The following AGBL1 variants were observed in gnomAD, a reference collection of about 807,000 sequenced individuals.
AGBL1 encodes the protein AGBL carboxypeptidase 1.
AGBL1 carries 130 observed loss-of-function variants against 118.9 expected under a neutral mutation model. The ratio of observed to expected loss-of-function variants is 1.09; its 90% CI spans 0.95 to 1.26. The LOEUF (loss-of-function observed/expected upper bound fraction) is 1.26. Among genes scored for constraint, AGBL1 ranks in the 50% most tolerant of loss-of-function variants. The pLI is 0.00. For synonymous variants in AGBL1, 555 were observed against 478.9 expected, an observed-to-expected ratio of 1.16 and a Z score of -2.08; for missense variants, 1,584 against 1,298.1, an observed-to-expected ratio of 1.22 and a Z score of -3.38.
intron 6 of AGBL1, among the ~76,000 whole-genome samples, chr15:86,238,188 CT>C (rs2078584082): frequency 6.6e-6 from 1 of 152,126 alleles, no homozygotes. Flanking sequence ...GTTTAGTTTT[CT>C]TTGTGTGTGC....
intron 22 of AGBL1, among the ~76,000 whole-genome samples, chr15:86,872,543 C>G (rs1002218512): frequency 5.3e-5 from 8 of 152,228 alleles, no homozygotes; most frequent in African/African-American, 1.9e-4. Context: ...AACACAAGGT[C>G]AGGAGTTCGA....
At chr15:86,413,751 T>C (rs1352802197) in intron 18 of AGBL1, among the ~76,000 whole-genome samples, 1 of 152,158 alleles carries the variant, frequency 6.6e-6, no homozygotes, top group Non-Finnish European at 1.5e-5. Flanking sequence ...TTGTTTGTGT[T>C]CCTTGTAAAT....
chr15:86,793,505 A>G lies in AGBL1; in HGVS notation c.3159-113582A>G, dbSNP rs139573570. Among the ~76,000 whole-genome samples, 205 of 152,344 alleles carry G rather than the reference A, an allele frequency of 1.3e-3. 1 individual carries two copies. The highest frequency in any genetic ancestry group is 4.7e-3 in the African/African-American group (197 of 41,586). On this transcript the variant is annotated intron_variant, in intron 22 of 22. Coordinates refer to ENST00000614907, the MANE Select transcript of AGBL1 (RefSeq NM_001386094.1). ...AATCATAGACCTAAGAGTGAAAACTATATATCTCTTAGAAGAAAACATAGG... is the reference window on the plus strand; with the variant it reads ...AATCATAGACCTAAGAGTGAAAACTGTATATCTCTTAGAAGAAAACATAGG...
rs562319727 is a variant in AGBL1 at position 86,505,439 on chromosome 15, C to T, written c.2556-17371C>T. Among the ~76,000 whole-genome samples, 257 of 151,932 alleles carry T rather than the reference C, an allele frequency of 1.7e-3. 2 individuals are homozygous for T. Among genetic ancestry groups the T allele is most frequent in the Middle Eastern group, 0.01 (3 of 294 alleles). On this transcript the variant is annotated intron_variant, in intron 18 of 22. Coordinates refer to ENST00000614907, the MANE Select transcript of AGBL1 (RefSeq NM_001386094.1). ...ATGCTTGATGGTGTCCCAGTGGTGT[C>T]TGAGACTCTGTTAATTTTTTAGATC...
chr15:86,499,127 G>GT lies in AGBL1; in HGVS notation c.2556-23682dup, dbSNP rs2082888140. The stretch of plus-strand genomic sequence containing the variant: ...CTCTCTAATATTTTAAATGGAGGGA[G>GT]TAGAGGGACCTCTCCTTATGCAGAG... On this transcript the variant is annotated intron_variant, in intron 18 of 22. Transcript: ENST00000614907. Among the ~76,000 whole-genome samples, 3 of 152,018 alleles carry GT rather than the reference G, an allele frequency of 2.0e-5. No individual in the cohort carries two copies. The South Asian group carries it at 6.2e-4, about 31-fold the overall frequency.
At chr15:86,646,422 C>G (rs1439742647) in intron 21 of AGBL1, among the ~76,000 whole-genome samples, 1 of 152,134 alleles carries the variant, frequency 6.6e-6, no homozygotes, top group Non-Finnish European at 1.5e-5. Flanking sequence ...CTCATTTATC[C>G]TCTTCTCATA....
chr15:86,527,025 A>G (rs1182520223), intron 19 of AGBL1, among the ~76,000 whole-genome samples: 2 of 152,134 alleles, frequency 1.3e-5, no homozygotes, highest in Non-Finnish European at 2.9e-5. Context: ...CTGGTTCTAC[A>G]CTGCTGAAAA....
chr15:86,506,829 T>G (rs901148107), intron 18 of AGBL1, among the ~76,000 whole-genome samples: 6 of 152,132 alleles, frequency 3.9e-5, no homozygotes, highest in Non-Finnish European at 7.4e-5. Context: ...CCTCAAGATT[T>G]ATTTGAGATT....
rs955377707 is a variant in AGBL1, at chr15:86,563,978, G to T, written c.2994+9441G>T. On this transcript the variant is annotated intron_variant, in intron 21 of 22. Transcript: ENST00000614907. ...CCCCTGCCTTTTTTGTTTTCCATTT[G>T]CTTGGTAGATCTTCCTCCATCCCTT... 3.3e-5 allele frequency among the ~76,000 whole-genome samples: 5 copies of T among 152,054 alleles called. No homozygotes were observed. The East Asian group carries it at 7.7e-4, about 23-fold the overall frequency.
At chr15:86,748,507 T>C (rs967186875) in intron 22 of AGBL1, among the ~76,000 whole-genome samples, 2 of 138,180 alleles carry the variant, frequency 1.4e-5, no homozygotes, top group Non-Finnish European at 3.1e-5. Context: ...TTGTCAATTT[T>C]GGCTTTTTTT....
intron 6 of AGBL1, among the ~76,000 whole-genome samples, chr15:86,229,925 C>T (rs2078428668): frequency 6.6e-6 from 1 of 152,170 alleles, no homozygotes; most frequent in Non-Finnish European, 1.5e-5. Flanking sequence ...AAGTCTCTGT[C>T]AGACCACTCT....
intron 22 of AGBL1, among the ~76,000 whole-genome samples, chr15:86,812,418 A>C (rs1223530208): frequency 3.3e-5 from 5 of 152,216 alleles, no homozygotes; most frequent in Admixed American, 1.3e-4. Context: ...TAGAATTCTC[A>C]ACTTTGCTTT....
chr15:86,414,428 GT>G (rs1346404425), intron 18 of AGBL1, among the ~76,000 whole-genome samples: 3 of 152,142 alleles, frequency 2.0e-5, no homozygotes, highest in Non-Finnish European at 2.9e-5. Flanking sequence ...GGATGTCTAA[GT>G]GTGCTTTAAA....
At chr15:86,239,039 G>T (rs1325763743) in intron 6 of AGBL1, among the ~76,000 whole-genome samples, 1 of 152,178 alleles carries the variant, frequency 6.6e-6, no homozygotes, top group Non-Finnish European at 1.5e-5. Flanking sequence ...GGAAGAGAAA[G>T]GTGTGGATTC....
chr15:86,827,442 T>C lies in AGBL1; in HGVS notation c.3159-79645T>C, dbSNP rs1179766834. On this transcript the variant is annotated intron_variant, in intron 22 of 22. Coordinates refer to ENST00000614907, the MANE Select transcript of AGBL1 (RefSeq NM_001386094.1). ...ATATATATATATACACATATATATATGTGTGTGTATATATATATATATATA... is the reference window on the plus strand; with the variant it reads ...ATATATATATATACACATATATATACGTGTGTGTATATATATATATATATA... 1.7e-3 allele frequency among the ~76,000 whole-genome samples: 13 copies of C among 7,522 alleles called. 1 individual carries two copies. The highest frequency in any genetic ancestry group is 8.0e-3 in the African/African-American group (11 of 1,372). 4.9% of individuals were successfully genotyped at this position (7,522 alleles called of 152,430 possible). A position where few individuals can be genotyped will look rare whatever the true frequency, so the allele number is the denominator to read the frequency against.
intron 21 of AGBL1, among the ~76,000 whole-genome samples, chr15:86,558,697 T>G (rs559633288): frequency 6.6e-6 from 1 of 152,196 alleles, no homozygotes; most frequent in Non-Finnish European, 1.5e-5. Flanking sequence ...GAGTTTCATA[T>G]AGGAAATTCA....
chr15:87,018,797 A>C (rs1346684793), intron 24 of AGBL1, among the ~76,000 whole-genome samples: 1 of 152,114 alleles, frequency 6.6e-6, no homozygotes, highest in African/African-American at 2.4e-5. Flanking sequence ...GTTAATAGGC[A>C]AAATGCCCCA....
intron 22 of AGBL1, among the ~76,000 whole-genome samples, chr15:86,717,959 T>C (rs2086662462): frequency 6.6e-6 from 1 of 152,050 alleles, no homozygotes; most frequent in Non-Finnish European, 1.5e-5. Context: ...GCACCTGTAA[T>C]CTCAGCTACT....
At chr15:86,338,772 A>C (rs936355319) in intron 17 of AGBL1, among the ~76,000 whole-genome samples, 16 of 152,172 alleles carry the variant, frequency 1.1e-4, no homozygotes, top group African/African-American at 2.9e-4. Context: ...GACTGTTCTC[A>C]GTCATCCACG....
Sources: gnomAD v4.1 joint callset for allele counts (sites outside exome capture counted in the v4.1 genomes callset) on GRCh38, gnomAD v4.1.1 for gene constraint, MANE v1.5 for transcripts, NCBI Gene and HGNC (gene_info 2026-07-23, HGNC 2026-07-21) for gene names.